RBFOX1: variants seen among roughly 807,000 people sequenced by gnomAD.
The protein encoded by RBFOX1 is RNA binding fox-1 homolog 1, also known as RNA binding protein fox-1 homolog 1.
Under a neutral mutation model 57.7 loss-of-function variants are expected in RBFOX1, and 8 were observed. The ratio of observed to expected loss-of-function variants is 0.14; its 90% CI spans 0.08 to 0.25. The LOEUF (loss-of-function observed/expected upper bound fraction) is 0.25, where lower values mean the gene tolerates loss of function less well. RBFOX1 is among the 10% of genes least tolerant of loss of function. The pLI is 1.00. For synonymous variants in RBFOX1, 326 were observed against 222.4 expected (o/e 1.47, Z -4.15); for missense variants, 611 against 548.5 (o/e 1.11, Z -1.14).
intron 4 of RBFOX1, among the ~76,000 whole-genome samples, chr16:7,301,132 G>A (rs183013887): frequency 1.3e-5 from 2 of 152,220 alleles, no homozygotes; most frequent in Non-Finnish European, 2.9e-5. Flanking sequence ...GGCTGGCAAA[G>A]TGTTGTCATC....
At chr16:7,404,972 T>C (rs2098313299) in intron 4 of RBFOX1, among the ~76,000 whole-genome samples, 1 of 152,136 alleles carries the variant, frequency 6.6e-6, no homozygotes. Flanking sequence ...CTAGTAGAGA[T>C]GATTTTACTC....
chr16:6,888,936 T>C (rs911676291), intron 3 of RBFOX1, among the ~76,000 whole-genome samples: 1 of 152,210 alleles, frequency 6.6e-6, no homozygotes, highest in Non-Finnish European at 1.5e-5. Flanking sequence ...TAGAAACCTT[T>C]AATCACTTAC....
chr16:6,976,344 G>A (rs574932762), intron 3 of RBFOX1, among the ~76,000 whole-genome samples: 4 of 152,080 alleles, frequency 2.6e-5, no homozygotes, highest in Admixed American at 2.6e-4. Flanking sequence ...CTCTATCCTT[G>A]TTCTAGCATT....
chr16:7,329,780 A>G (rs1307274380), intron 4 of RBFOX1, among the ~76,000 whole-genome samples: 4 of 152,212 alleles, frequency 2.6e-5, no homozygotes, highest in Non-Finnish European at 5.9e-5. Flanking sequence ...AAGAACAGCA[A>G]AAGGTTATTG....
At chr16:6,824,983 G>GTTT (rs151177772) in intron 3 of RBFOX1, among the ~76,000 whole-genome samples, 1,140 of 36,826 alleles carry the variant, frequency 0.031, 225 homozygotes, top group Non-Finnish European at 0.041. Flanking sequence ...TTCTTTCTTG[G>GTTT]TTTTTTTTTT....
intron 3 of RBFOX1, among the ~76,000 whole-genome samples, chr16:6,937,509 G>C (rs1331064839): frequency 1.3e-5 from 2 of 152,106 alleles, no homozygotes; most frequent in East Asian, 1.9e-4. Flanking sequence ...GAGTGACACA[G>C]ACATCAGGAG....
chr16:6,559,397 TC>T, intron 2 of RBFOX1, among the ~76,000 whole-genome samples: 1 of 152,172 alleles, frequency 6.6e-6, no homozygotes, highest in East Asian at 1.9e-4. Context: ...TAGATATAGA[TC>T]CACACACAGC....
chr16:6,806,536 C>T (rs1294835160), intron 3 of RBFOX1, among the ~76,000 whole-genome samples: 1 of 151,970 alleles, frequency 6.6e-6, no homozygotes, highest in Non-Finnish European at 1.5e-5. Flanking sequence ...CACCATCTTA[C>T]ATGGATAGTC....
At chr16:7,596,803 C>T (rs1484941247) in intron 8 of RBFOX1, among the ~76,000 whole-genome samples, 1 of 152,144 alleles carries the variant, frequency 6.6e-6, no homozygotes, top group Non-Finnish European at 1.5e-5. Context: ...CTTTTGTTAG[C>T]TGTGACGTTA....
chr16:7,294,817 T>C (rs770154029), intron 4 of RBFOX1, among the ~76,000 whole-genome samples: 4 of 152,154 alleles, frequency 2.6e-5, no homozygotes, highest in East Asian at 1.9e-4. Flanking sequence ...GGTGATTTTG[T>C]AAGCAGCATC....
At chr16:6,312,741 T>G (rs1046538881) in intron 1 of RBFOX1, among the ~76,000 whole-genome samples, 1 of 150,572 alleles carries the variant, frequency 6.6e-6, no homozygotes, top group Non-Finnish European at 1.5e-5. Flanking sequence ...TCCTTACTTC[T>G]TTCCTTCCCC....
intron 4 of RBFOX1, among the ~76,000 whole-genome samples, chr16:5,963,507 A>G (rs190991808): frequency 8.5e-5 from 13 of 152,346 alleles, no homozygotes; most frequent in Non-Finnish European, 1.6e-4. Context: ...GTTTCAAATT[A>G]TATTACAAAG....
intron 4 of RBFOX1, among the ~76,000 whole-genome samples, chr16:7,194,595 C>T (rs570866895): frequency 6.6e-6 from 1 of 152,104 alleles, no homozygotes; most frequent in African/African-American, 2.4e-5. Flanking sequence ...TGTTTTCTAC[C>T]CCTTTCCCAG....
Position 7,273,216 on chromosome 16 carries a change from T to TCCTTCCTTCCTTCCTTCCTC in RBFOX1, c.27+221137_27+221138insCCCTTCCTTCCTTCCTTCCT, listed in dbSNP as rs2095369495. 8.5e-5 allele frequency among the ~76,000 whole-genome samples: 9 copies of TCCTTCCTTCCTTCCTTCCTC among 105,496 alleles called. No homozygotes were observed. In the South Asian group the frequency reaches 1.8e-3, roughly 21 times the overall value. 69.2% of individuals were successfully genotyped at this position (105,496 alleles called of 152,430 possible). ...TTCCTTCCTCCCTCCCTTCCTTCCT[T>TCCTTCCTTCCTTCCTTCCTC]CCTTCCTTCCTTCCTTCCTTCCTTC... On this transcript the variant is annotated intron_variant, in intron 4 of 15. Transcript: ENST00000550418.
chr16:5,659,643 C>A (rs2151385882), intron 3 of RBFOX1, among the ~76,000 whole-genome samples: 1 of 152,134 alleles, frequency 6.6e-6, no homozygotes. Flanking sequence ...ACATTTTAAA[C>A]CTGGGGTTAG....
chr16:6,108,088 C>G (rs981817949), intron 1 of RBFOX1, among the ~76,000 whole-genome samples: 2 of 152,066 alleles, frequency 1.3e-5, no homozygotes, highest in African/African-American at 4.8e-5. Context: ...AATCAAATAT[C>G]AAATGAAGAG....
intron 3 of RBFOX1, among the ~76,000 whole-genome samples, chr16:6,771,957 A>G (rs1461673843): frequency 6.6e-6 from 1 of 152,096 alleles, no homozygotes; most frequent in Non-Finnish European, 1.5e-5. Flanking sequence ...TAGAATAGCT[A>G]TATAAGATCC....
chr16:6,962,230 C>G (rs1323643603), intron 3 of RBFOX1, among the ~76,000 whole-genome samples: 1 of 152,072 alleles, frequency 6.6e-6, no homozygotes, highest in Non-Finnish European at 1.5e-5. Flanking sequence ...GCCTTCTTTC[C>G]TAGGTGTGTG....
chr16:6,654,579 T>G (rs2098632532), intron 2 of RBFOX1, 24 bp from the exon 3 acceptor site: 4 of 1,497,706 alleles, frequency 2.7e-6, no homozygotes, highest in Non-Finnish European at 2.7e-6. Flanking sequence ...TCTCTCACTT[T>G]CCTTTCTTTT....
Sources: gnomAD v4.1 joint callset for allele counts (sites outside exome capture counted in the v4.1 genomes callset) on GRCh38, gnomAD v4.1.1 for gene constraint, MANE v1.5 for transcripts, NCBI Gene and HGNC (gene_info 2026-07-23, HGNC 2026-07-21) for gene names.